AKAP1: variants seen among roughly 807,000 people sequenced by gnomAD.
AKAP1 encodes A-kinase anchoring protein 1.
In AKAP1, 32 loss-of-function variants were observed where a neutral mutation model predicts 79.8. That is an observed-to-expected ratio of 0.40 (90% CI 0.30 to 0.54). The LOEUF (loss-of-function observed/expected upper bound fraction) is 0.54, where lower values mean the gene tolerates loss of function less well. AKAP1 is among the 20% of genes least tolerant of loss of function. AKAP1 has a pLI of 0.47. For synonymous variants in AKAP1, 416 were observed against 466.7 expected (o/e 0.89, Z 1.40); for missense variants, 961 against 1,138.9 (o/e 0.84, Z 2.25).
chr17:57,119,830 C>CTTCTTTTTTTTTTTTTTT (rs1915809414), intron 10 of AKAP1, among the ~76,000 whole-genome samples: 1 of 70,290 alleles, frequency 1.4e-5, no homozygotes, highest in African/African-American at 6.6e-5. Context: ...CCCTGTTACT[C>CTTCTTTTTTTTTTTTTTT]TTTTTTTTTT....
chr17:57,090,464 G>A (rs79840103), intron 1 of AKAP1, among the ~76,000 whole-genome samples: 22,877 of 147,498 alleles, frequency 0.16, 2,381 homozygotes, highest in South Asian at 0.43. Flanking sequence ...GGGCTGGGGC[G>A]TGCTCCCCAC....
rs1175817340 is a variant in AKAP1, at chr17:57,110,294, G to T, written c.1848+136G>T. On this transcript the variant is annotated intron_variant, in intron 3 of 10. Coordinates refer to ENST00000337714, the MANE Select transcript of AKAP1 (RefSeq NM_003488.4). ...AGGAGCCCTGGGTCAGCCAAAGGCC[G>T]CAGGGAAAGGACACGCTACACTTTG... The T allele has an allele frequency of 5.0e-6, 6 of 1,199,394 alleles. No individual in the cohort carries two copies. The South Asian group carries it at 6.1e-5, about 12-fold the overall frequency. The allele number at this position is 1,199,394 out of a possible 1,614,324, so 74.3% of individuals were successfully genotyped here.
chr17:57,119,962 A>G (rs1915829778), intron 10 of AKAP1, among the ~76,000 whole-genome samples: 2 of 150,386 alleles, frequency 1.3e-5, no homozygotes, highest in South Asian at 2.1e-4. Context: ...AGTAACTGGG[A>G]TTACAGGTGC....
Position 57,085,418 on chromosome 17 carries a change from G to T in AKAP1, c.-25+20G>T, listed in dbSNP as rs1339250499. The T allele has an allele frequency of 6.6e-6, 1 of 152,048 alleles. No homozygotes were observed. The highest frequency in any genetic ancestry group is 2.4e-5 in the African/African-American group (1 of 41,430). 9.4% of individuals were successfully genotyped at this position (152,048 alleles called of 1,614,324 possible). A position where few individuals can be genotyped will look rare whatever the true frequency, so the allele number is the denominator to read the frequency against. ...GAGCTGGTAGGTCGGGGGCAGCTGCGCCGGGGACCCCCTGCCGGAGACCCG... is the reference window on the plus strand; with the variant it reads ...GAGCTGGTAGGTCGGGGGCAGCTGCTCCGGGGACCCCCTGCCGGAGACCCG... On this transcript the variant is annotated intron_variant, in intron 1 of 10. Coordinates refer to ENST00000337714, the MANE Select transcript of AKAP1 (RefSeq NM_003488.4).
At chr17:57,093,410 A>T (rs533395499) in intron 1 of AKAP1, 1 of 152,336 alleles carries the variant, frequency 6.6e-6, no homozygotes, top group African/African-American at 2.4e-5. Context: ...TGAGAGGTCC[A>T]GCCATCTGAT....
At position 57,116,205 on chromosome 17, in the gene AKAP1, A is replaced by G; in HGVS notation, c.2376A>G (p.Arg792=). The change falls in exon 7 of 11, where the codon CGA becomes CGG. Residue 792 remains arginine (R), a synonymous_variant. Transcript: ENST00000337714. ...AGGAGACCAACGAAGTGGAGATTCG[A>G]TACGTGGACTACGGCGGATATAAGA... ...SYEETNEVEI[R]YVDYGGYKRV... The G allele has an allele frequency of 6.2e-7, 1 of 1,614,170 alleles. No homozygotes were observed. The highest frequency in any genetic ancestry group is 8.5e-7 in the Non-Finnish European group (1 of 1,180,022).
Position 57,120,608 on chromosome 17 carries a change from C to A in AKAP1, c.*284C>A, listed in dbSNP as rs895205643. On this transcript the variant is annotated 3_prime_UTR_variant, in exon 11 of 11. Transcript: ENST00000337714. ...AAAAAGGAATAGAAACAGTTTCAACCAGATTGTCCTATTCCCCCTGTTCCA... is the reference window on the plus strand; with the variant it reads ...AAAAAGGAATAGAAACAGTTTCAACAAGATTGTCCTATTCCCCCTGTTCCA... 9.9e-5 allele frequency: 31 copies of A among 313,296 alleles called. No homozygotes were observed. Among genetic ancestry groups the A allele is most frequent in the African/African-American group, 4.3e-5 (2 of 46,516 alleles). The allele number at this position is 313,296 out of a possible 1,614,324, so 19.4% of individuals were successfully genotyped here. A position where few individuals can be genotyped will look rare whatever the true frequency, so the allele number is the denominator to read the frequency against.
rs143278619 is a variant in AKAP1 at position 57,116,910 on chromosome 17, G to C, written c.2483G>C (p.Ser828Thr). 2 of 1,614,158 alleles carry C rather than the reference G, an allele frequency of 1.2e-6. No homozygotes were observed. Among genetic ancestry groups the C allele is most frequent in the Non-Finnish European group, 1.7e-6 (2 of 1,179,986 alleles). The part of the protein sequence containing the change: ...PFQGAEVLLD[S>T]VMPLSDDDQF... ...CAGGGAGCAGAAGTCCTTCTGGACA[G>C]TGTGATGCCCCTGTCAGGTAACAGC... The change falls in exon 8 of 11, where the codon AGT (serine) becomes ACT (threonine). Residue 828 changes from serine (S) to threonine (T), a missense_variant. Transcript: ENST00000337714.
intron 7 of AKAP1, 134 bp from the exon 8 acceptor site, chr17:57,116,726 C>T: frequency 4.8e-6 from 4 of 835,734 alleles, no homozygotes; most frequent in South Asian, 4.4e-5. Flanking sequence ...TGAGCCGTGG[C>T]CTCCTGCAAA....
rs1308104800 is a variant in AKAP1 at position 57,106,560 on chromosome 17, A to G, written c.1096A>G (p.Thr366Ala). Residue 366 changes from threonine (T) to alanine (A), a missense_variant, in exon 2 of 11, where the codon ACC becomes GCC. Physicochemically the swap from Thr to Ala is moderately conservative, Grantham distance 58. Transcript: ENST00000337714. ...AGAAGCAACCGAACAGGTGCTGGCC[A>G]CCACGGTTGGCAAGGTTGCAGGTCG... is the stretch of plus-strand genomic sequence containing the variant. ...ISEATEQVLA[T>A]TVGKVAGRVC... The G allele has an allele frequency of 1.4e-5, 22 of 1,614,110 alleles. No individual in the cohort carries two copies. Among genetic ancestry groups the G allele is most frequent in the Non-Finnish European group, 1.9e-5 (22 of 1,180,052 alleles).
chr17:57,114,526 T>G lies in AKAP1; in HGVS notation c.2171T>G (p.Phe724Cys), dbSNP rs1426251616. 1 of 1,614,222 alleles carries G rather than the reference T, an allele frequency of 6.2e-7. No homozygotes were observed. Residue 724 changes from phenylalanine to cysteine, a missense_variant, in exon 6 of 11, where the codon TTC becomes TGC. Physicochemically the swap from Phe to Cys is radical, Grantham distance 205 (BLOSUM62 -2). This residue lies in a region of AKAP1 where 629 missense variants were observed against 781.1 expected (regional missense o/e 0.81). Transcript: ENST00000337714. ...AACCAGGTCAATGCCGGGCACCTGT[T>G]CGTGCAGCAGCACACACACCCTACC... ...VVNQVNAGHL[F>C]VQQHTHPTFH...
Position 57,120,947 on chromosome 17 carries a change from C to A in AKAP1, c.*623C>A, listed in dbSNP as rs905563779. 6.5e-6 allele frequency: 1 copy of A among 152,692 alleles called. No individual in the cohort carries two copies. The highest frequency in any genetic ancestry group is 2.4e-5 in the African/African-American group (1 of 41,456). The allele number at this position is 152,692 out of a possible 1,614,324, so 9.5% of individuals were successfully genotyped here. The stretch of plus-strand genomic sequence containing the variant: ...GGAGGGGAACTGGTATCCTGCCAAG[C>A]CTGGTTGTAATTTGTAACCATTTTC... On this transcript the variant is annotated 3_prime_UTR_variant, in exon 11 of 11. Transcript: ENST00000337714.
chr17:57,105,925 G>T lies in AKAP1; in HGVS notation c.461G>T (p.Gly154Val). ...GAGTGCCCCCTTTCATCCCCAAAGGGTGTACTATTCTCCAGCAAATCAGCT... is the reference window on the plus strand; with the variant it reads ...GAGTGCCCCCTTTCATCCCCAAAGGTTGTACTATTCTCCAGCAAATCAGCT... ...PLECPLSSPK[G>V]VLFSSKSAEV... Residue 154 changes from glycine (G) to valine (V), a missense_variant, in exon 2 of 11, where the codon GGT (glycine) becomes GTT (valine). Physicochemically the swap from Gly to Val is moderately radical, Grantham distance 109. This residue lies in a region of AKAP1 where 224 missense variants were observed against 210.2 expected (regional missense o/e 1.07). Transcript: ENST00000337714. The T allele has an allele frequency of 1.2e-6, 2 of 1,614,224 alleles. No homozygotes were observed. The highest frequency in any genetic ancestry group is 8.5e-7 in the Non-Finnish European group (1 of 1,180,052).
At chr17:57,108,517 G>C (rs1357717935) in intron 2 of AKAP1, among the ~76,000 whole-genome samples, 1 of 152,236 alleles carries the variant, frequency 6.6e-6, no homozygotes, top group Non-Finnish European at 1.5e-5. Flanking sequence ...ACTCTAGATG[G>C]ATAGTAGTAG....
In AKAP1 at chr17:57,106,667, C is replaced by T. The variant is rs376502975; in HGVS notation, c.1203C>T (p.Asp401=). The T allele has an allele frequency of 1.2e-6, 2 of 1,614,084 alleles. No individual in the cohort carries two copies. The highest frequency in any genetic ancestry group is 1.7e-6 in the Non-Finnish European group (2 of 1,180,032). The stretch of plus-strand genomic sequence containing the variant: ...ACCAGAAAACTGTCTTGGGCCCAGA[C>T]ACTGCGGAGCCTGCCACAGCAGAGG... ...PVHQKTVLGP[D]TAEPATAEAA... Residue 401 remains aspartate, a synonymous_variant, in exon 2 of 11, where the codon GAC becomes GAT. Transcript: ENST00000337714.
intron 5 of AKAP1, among the ~76,000 whole-genome samples, chr17:57,113,395 T>A (rs1915372316): frequency 6.6e-6 from 1 of 151,758 alleles, no homozygotes; most frequent in Non-Finnish European, 1.5e-5. Flanking sequence ...CTTCGTGTTT[T>A]TTTTTTGTTT....
intron 1 of AKAP1, among the ~76,000 whole-genome samples, chr17:57,103,993 T>G (rs1799033788): frequency 6.6e-6 from 1 of 152,096 alleles, no homozygotes; most frequent in African/African-American, 2.4e-5. Flanking sequence ...CTCGATATAC[T>G]TCACTTTTCT....
At chr17:57,088,869 A>T (rs1913615172) in intron 1 of AKAP1, among the ~76,000 whole-genome samples, 1 of 152,160 alleles carries the variant, frequency 6.6e-6, no homozygotes, top group Admixed American at 6.5e-5. Context: ...TCAGTGGTAA[A>T]CATTGTGTTC....
chr17:57,120,155 T>C (rs1249146326), intron 10 of AKAP1, 95 bp from the exon 11 acceptor site: 2 of 1,096,512 alleles, frequency 1.8e-6, no homozygotes, highest in African/African-American at 3.1e-5. Flanking sequence ...ATCTGTTGCC[T>C]GCAGTGGCAA....
Sources: gnomAD v4.1 joint callset for allele counts (sites outside exome capture counted in the v4.1 genomes callset) on GRCh38, gnomAD v4.1.1 for gene constraint, gnomAD v4.1.1 regional missense constraint, MANE v1.5 for transcripts, NCBI Gene and HGNC (gene_info 2026-07-23, HGNC 2026-07-21) for gene names.